The following ACTN4 variants were observed in gnomAD, a reference collection of about 807,000 sequenced individuals.
ACTN4 encodes actinin alpha 4, also known as alpha-actinin-4.
ACTN4 carries 18 observed loss-of-function variants against 114.2 expected under a neutral mutation model. The observed-to-expected ratio is 0.16, with a 90% CI of 0.11 to 0.23. The LOEUF (loss-of-function observed/expected upper bound fraction) is 0.23. Among genes scored for constraint, ACTN4 ranks in the 10% least tolerant of loss-of-function variants. ACTN4 has a pLI of 1.00. For missense variants in ACTN4, 722 were observed against 1,262.9 expected (o/e 0.57, Z 6.49); for synonymous variants, 515 against 506.3 (o/e 1.02, Z -0.23).
At position 38,731,055 on chromosome 19, in the gene ACTN4, C is replaced by T; in HGVS notation, c.*1623C>T. 1 of 1,560,680 alleles carries T rather than the reference C, an allele frequency of 6.4e-7. No individual in the cohort carries two copies. Among genetic ancestry groups the T allele is most frequent in the Non-Finnish European group, 8.7e-7 (1 of 1,153,530 alleles). On this transcript the variant is annotated 3_prime_UTR_variant, in exon 21 of 21. Coordinates refer to ENST00000252699, the MANE Select transcript of ACTN4 (RefSeq NM_004924.6). ...AGAGAGGGGCAGGGTGAGTGCCCAC[C>T]AGTCCCCGTACCCCTTCCCCCCATG... is the stretch of plus-strand genomic sequence containing the variant.
intron 1 of ACTN4, among the ~76,000 whole-genome samples, chr19:38,659,898 C>T (rs898018012): frequency 2.0e-5 from 3 of 151,010 alleles, no homozygotes; most frequent in Middle Eastern, 3.2e-3. Flanking sequence ...TGCAAAACTT[C>T]CTCCATCTTA....
chr19:38,647,992 A>G, intron 1 of ACTN4, 85 bp downstream of exon 1: 2 of 1,358,778 alleles, frequency 1.5e-6, no homozygotes, highest in Non-Finnish European at 1.9e-6. Context: ...AGGTAACTGG[A>G]GCGTCTGTGA....
rs757869339 is a variant in ACTN4 at position 38,717,268 on chromosome 19, C to T, written c.1095C>T (p.Arg365=). 141 of 1,613,958 alleles carry T rather than the reference C, an allele frequency of 8.7e-5. No individual in the cohort carries two copies. The highest frequency in any genetic ancestry group is 1.8e-4 in the Admixed American group (11 of 59,994). ...INFNTLQTKL[R]LSNRPAFMPS... is the part of the protein sequence containing the mutation. ...TCAACACGCTGCAGACCAAGCTGCG[C>T]CTCAGCAACCGGCCCGCCTTCATGC... is the stretch of plus-strand genomic sequence containing the variant. Residue 365 remains arginine (R), a synonymous_variant, in exon 10 of 21, where the codon CGC becomes CGT. Transcript: ENST00000252699. This position sits in a 1 kb window ranked among gnomAD's most constrained non-coding sequence, Gnocchi z 4.0.
intron 1 of ACTN4, among the ~76,000 whole-genome samples, chr19:38,670,138 A>G (rs371819097): frequency 1.3e-5 from 2 of 152,072 alleles, no homozygotes; most frequent in East Asian, 3.9e-4. Context: ...CACCATTCAG[A>G]TAGGGTGGCT....
At chr19:38,651,411 T>A (rs547681159) in intron 1 of ACTN4, among the ~76,000 whole-genome samples, 46 of 152,316 alleles carry the variant, frequency 3.0e-4, no homozygotes, top group African/African-American at 1.0e-3. Flanking sequence ...AGCAAATTCT[T>A]GAGCAATTAC....
rs188699596 is a variant in ACTN4, at chr19:38,668,515, G to A, written c.162+20608G>A. ...ATCCTGGCCAACATGGTGATACCCC[G>A]TCTCTACTAAAATACAAAACATTAG... On this transcript the variant is annotated intron_variant, in intron 1 of 20. Transcript: ENST00000252699. Among the ~76,000 whole-genome samples the A allele has an allele frequency of 6.6e-5, 10 of 152,140 alleles. No homozygotes were observed. In the East Asian group the frequency reaches 1.2e-3, roughly 18 times the overall value.
intron 8 of ACTN4, chr19:38,711,379 C>T (rs1053593746): frequency 2.0e-6 from 2 of 1,010,886 alleles, no homozygotes; most frequent in Middle Eastern, 4.1e-4. Context: ...GGGCCAGGCA[C>T]ACCTCGCTGC....
At chr19:38,669,051 C>T (rs543575071) in intron 1 of ACTN4, among the ~76,000 whole-genome samples, 1 of 152,172 alleles carries the variant, frequency 6.6e-6, no homozygotes, top group Non-Finnish European at 1.5e-5. Flanking sequence ...CAGTGGTATG[C>T]ACTTGGCTCA....
Position 38,731,353 on chromosome 19 carries a change from C to T in ACTN4, c.*1921C>T. 1 of 708,962 alleles carries T rather than the reference C, an allele frequency of 1.4e-6. No homozygotes were observed. Among genetic ancestry groups the T allele is most frequent in the Admixed American group, 2.0e-5 (1 of 49,398 alleles). 43.9% of individuals were successfully genotyped at this position (708,962 alleles called of 1,614,324 possible). On this transcript the variant is annotated 3_prime_UTR_variant, in exon 21 of 21. Transcript: ENST00000252699. ...ACACCCCAACTCTGCCCCATCCCGG[C>T]AGGGTGAGTACAGGCTGATCCCTTC...
At chr19:38,669,346 TGAGGCAAGAAG>T (rs1205783260) in intron 1 of ACTN4, among the ~76,000 whole-genome samples, 7 of 152,182 alleles carry the variant, frequency 4.6e-5, no homozygotes, top group African/African-American at 1.2e-4. Context: ...AATGACAGAT[TGAGGCAAGAAG>T]GAGGCAAGAA....
intron 1 of ACTN4, among the ~76,000 whole-genome samples, chr19:38,697,105 C>T (rs968230495): frequency 4.6e-5 from 7 of 151,354 alleles, no homozygotes; most frequent in Non-Finnish European, 8.9e-5. Flanking sequence ...GTGTGATGCC[C>T]AAGCCAGAGC....
chr19:38,654,794 G>A (rs374390404), intron 1 of ACTN4, among the ~76,000 whole-genome samples: 1 of 152,064 alleles, frequency 6.6e-6, no homozygotes, highest in East Asian at 1.9e-4. Flanking sequence ...TGGAATGTCC[G>A]TGGAAAGTCT....
intron 1 of ACTN4, chr19:38,693,685 T>C (rs918999466): frequency 6.6e-6 from 1 of 152,182 alleles, no homozygotes; most frequent in African/African-American, 2.4e-5. Flanking sequence ...CTGAACAATA[T>C]CCATCATTCA....
chr19:38,699,301 C>T (rs1158666324), intron 1 of ACTN4, among the ~76,000 whole-genome samples: 3 of 152,152 alleles, frequency 2.0e-5, no homozygotes, highest in Admixed American at 6.5e-5. Context: ...CATCGTTGGT[C>T]TGTTAGGGTC....
At chr19:38,703,006 T>C (rs1374250181) in intron 3 of ACTN4, among the ~76,000 whole-genome samples, 1 of 152,074 alleles carries the variant, frequency 6.6e-6, no homozygotes, top group Non-Finnish European at 1.5e-5. Flanking sequence ...GTGGCGCCCC[T>C]CTGTCTTCTT....
rs143345899 is a variant in ACTN4, at chr19:38,731,182, G to A, written c.*1750G>A. On this transcript the variant is annotated 3_prime_UTR_variant, in exon 21 of 21. Transcript: ENST00000252699. ...ACACGCAGACGGCTATCCCGGTAGC[G>A]GCTGGTGAGGGTCTGGGTCAGCTGG... 2,738 of 1,612,968 alleles carry A rather than the reference G, an allele frequency of 1.7e-3. 6 individuals carry two copies. The highest frequency in any genetic ancestry group is 1.8e-3 in the Non-Finnish European group (2,131 of 1,179,996).
intron 1 of ACTN4, among the ~76,000 whole-genome samples, chr19:38,681,838 G>GT (rs1215335490): frequency 6.6e-6 from 1 of 151,206 alleles, no homozygotes; most frequent in African/African-American, 2.4e-5. Context: ...CTTTTTTTTT[G>GT]TTTTTTGGGT....
intron 1 of ACTN4, 27 bp from the exon 2 acceptor site, chr19:38,700,573 G>T (rs376206273): frequency 2.0e-5 from 31 of 1,586,612 alleles, no homozygotes; most frequent in Non-Finnish European, 2.7e-5. Context: ...CTGACTCTGC[G>T]CACTGTCCTT....
intron 11 of ACTN4, among the ~76,000 whole-genome samples, chr19:38,719,575 G>A (rs1968965673): frequency 6.6e-6 from 1 of 152,262 alleles, no homozygotes; most frequent in Non-Finnish European, 1.5e-5. Flanking sequence ...CTCTTGCCTG[G>A]CAGAAAGGCA....
Sources: gnomAD v4.1 joint callset for allele counts (sites outside exome capture counted in the v4.1 genomes callset) on GRCh38, gnomAD v4.1.1 for gene constraint, Gnocchi (gnomAD v3.1) non-coding constraint, MANE v1.5 for transcripts, NCBI Gene and HGNC (gene_info 2026-07-23, HGNC 2026-07-21) for gene names.